FLT3: variants seen among roughly 807,000 people sequenced by gnomAD.
The protein encoded by FLT3 is receptor-type tyrosine-protein kinase FLT3.
A neutral mutation model predicts 126.6 loss-of-function variants in FLT3; 46 were observed. That is an observed-to-expected ratio of 0.36 (90% CI 0.29 to 0.46). FLT3 has a LOEUF of 0.46. FLT3 is among the 20% of genes least tolerant of loss of function. FLT3 has a pLI of 1.00. For missense variants in FLT3, 1,069 were observed against 1,190.3 expected, an observed-to-expected ratio of 0.90 and a Z score of 1.50; for synonymous variants, 404 against 434.4, an observed-to-expected ratio of 0.93 and a Z score of 0.87.
At chr13:28,077,448 G>T (rs950489877) in intron 1 of FLT3, among the ~76,000 whole-genome samples, 2 of 152,088 alleles carry the variant, frequency 1.3e-5, no homozygotes, top group African/African-American at 4.8e-5. Context: ...ATCAGATCTC[G>T]TGAGACTTAT....
chr13:28,034,411 C>T lies in FLT3; in HGVS notation c.1598-4G>A, dbSNP rs1038879376. 5.6e-6 allele frequency: 9 copies of T among 1,601,618 alleles called. No individual in the cohort carries two copies. The African/African-American group carries it at 1.2e-4, about 21-fold the overall frequency. On this transcript the variant is annotated splice_region_variant and splice_polypyrimidine_tract_variant and intron_variant, in intron 12 of 23. Transcript: ENST00000241453. ...TCTTGGATGAAAGGGAAGGGGCCTGCAACAAAAGAGTGTCACTCAGCGATG... is the reference window on the plus strand; with the variant it reads ...TCTTGGATGAAAGGGAAGGGGCCTGTAACAAAAGAGTGTCACTCAGCGATG...
chr13:28,079,325 T>C (rs762291295), intron 1 of FLT3, among the ~76,000 whole-genome samples: 9 of 152,206 alleles, frequency 5.9e-5, no homozygotes, highest in African/African-American at 1.2e-4. Context: ...TTATTGTTCG[T>C]ATCACTATCA....
At chr13:28,064,349 C>T (rs367872395) in intron 2 of FLT3, among the ~76,000 whole-genome samples, 10 of 151,672 alleles carry the variant, frequency 6.6e-5, no homozygotes, top group African/African-American at 1.5e-4. Context: ...CCAAGGTGGG[C>T]GGATCACAAG....
At chr13:28,048,050 G>A (rs1443084094) in intron 9 of FLT3, among the ~76,000 whole-genome samples, 2 of 152,072 alleles carry the variant, frequency 1.3e-5, no homozygotes, top group African/African-American at 4.8e-5. Context: ...AGACTAATAC[G>A]GTTCTTTCTG....
intron 1 of FLT3, among the ~76,000 whole-genome samples, chr13:28,088,350 C>A (rs1378130501): frequency 6.6e-6 from 1 of 151,942 alleles, no homozygotes; most frequent in African/African-American, 2.4e-5. Context: ...TGCAGTGGCA[C>A]AATCTCAGCT....
intron 6 of FLT3, 106 bp downstream of exon 6, chr13:28,049,989 A>C: frequency 7.6e-7 from 1 of 1,314,140 alleles, no homozygotes. Flanking sequence ...TGAAGGAATG[A>C]TAGGATTTCT....
chr13:28,059,958 C>CAATA (rs10523017), intron 3 of FLT3, among the ~76,000 whole-genome samples: 15 of 148,198 alleles, frequency 1.0e-4, no homozygotes, highest in African/African-American at 3.7e-4. Context: ...GACTCTGCCT[C>CAATA]AATAAATAAA....
rs115327615 is a variant in FLT3, at chr13:28,066,379, C to T, written c.165+4112G>A. Among the ~76,000 whole-genome samples the T allele has an allele frequency of 9.3e-4, 142 of 152,264 alleles. 2 individuals are homozygous for T. Among genetic ancestry groups the T allele is most frequent in the African/African-American group, 3.3e-3 (137 of 41,536 alleles). On this transcript the variant is annotated intron_variant, in intron 2 of 23. Coordinates refer to ENST00000241453, the MANE Select transcript of FLT3 (RefSeq NM_004119.3). ...CTCAGATCTTGGTTCCTAAATACTA[C>T]CCCCCAGAGAAGCCAGTGCTCTTTG... is the stretch of plus-strand genomic sequence containing the variant.
intron 3 of FLT3, 33 bp downstream of exon 3, chr13:28,061,834 C>T (rs558530167): frequency 3.2e-6 from 5 of 1,544,010 alleles, no homozygotes; most frequent in Admixed American, 1.7e-5. Context: ...AAATGAACCA[C>T]ATTTTATGTC....
At chr13:28,079,590 C>T (rs1380090391) in intron 1 of FLT3, among the ~76,000 whole-genome samples, 1 of 152,148 alleles carries the variant, frequency 6.6e-6, no homozygotes, top group Non-Finnish European at 1.5e-5. Flanking sequence ...ATTGGGCTTA[C>T]AGTTCCACAT....
chr13:28,004,472 AT>A (rs963340433), intron 23 of FLT3, among the ~76,000 whole-genome samples: 1 of 151,862 alleles, frequency 6.6e-6, no homozygotes, highest in Non-Finnish European at 1.5e-5. Context: ...CACCCTGCTA[AT>A]TTTTTTATTT....
At chr13:28,077,620 T>C (rs1878043418) in intron 1 of FLT3, among the ~76,000 whole-genome samples, 1 of 152,070 alleles carries the variant, frequency 6.6e-6, no homozygotes, top group South Asian at 2.1e-4. Flanking sequence ...AGTCAAACCA[T>C]ATCATTCTGC....
intron 1 of FLT3, among the ~76,000 whole-genome samples, chr13:28,077,818 T>C (rs1438397778): frequency 6.6e-6 from 1 of 152,152 alleles, no homozygotes; most frequent in African/African-American, 2.4e-5. Flanking sequence ...ACTTCCTAGA[T>C]ACAATGGGGG....
Position 28,028,193 on chromosome 13 carries a change from C to A in FLT3, c.2038G>T (p.Ala680Ser). 5 of 1,592,296 alleles carry A rather than the reference C, an allele frequency of 3.1e-6. No individual in the cohort carries two copies. Among genetic ancestry groups the A allele is most frequent in the South Asian group, 1.1e-5 (1 of 90,644 alleles). Reference protein sequence around the residue: ...SHENIVNLLGACTLSGPIYLI... With the variant: ...SHENIVNLLGSCTLSGPIYLI... ...AGTGGGTTACCTGACAGTGTGCACG[C>A]CCCCAGCAGGTTCACAATATTCTCG... The change falls in exon 16 of 24, where the codon GCG (alanine) becomes TCG (serine). Residue 680 changes from alanine to serine, a missense_variant. Transcript: ENST00000241453.
intron 1 of FLT3, among the ~76,000 whole-genome samples, chr13:28,080,664 C>T (rs570331016): frequency 1.3e-5 from 2 of 152,190 alleles, no homozygotes; most frequent in South Asian, 4.2e-4. Context: ...TGAAGATGTC[C>T]AATTTATCAA....
chr13:28,097,794 G>A (rs1879558843), intron 1 of FLT3, among the ~76,000 whole-genome samples: 1 of 152,130 alleles, frequency 6.6e-6, no homozygotes, highest in Admixed American at 6.5e-5. Context: ...AATAAACTAA[G>A]ATAAGCAACA....
intron 2 of FLT3, among the ~76,000 whole-genome samples, chr13:28,062,374 G>T (rs1451167921): frequency 6.6e-6 from 1 of 152,142 alleles, no homozygotes; most frequent in East Asian, 1.9e-4. Context: ...TTTATTTGGA[G>T]ATGGTCTTTA....
chr13:28,094,034 C>T (rs1247444857), intron 1 of FLT3, among the ~76,000 whole-genome samples: 1 of 152,106 alleles, frequency 6.6e-6, no homozygotes, highest in Non-Finnish European at 1.5e-5. Flanking sequence ...AAAACACGTG[C>T]CTAACAAGGA....
chr13:28,061,798 T>A (rs1277514012), intron 3 of FLT3, 69 bp downstream of exon 3: 3 of 1,296,166 alleles, frequency 2.3e-6, no homozygotes, highest in African/African-American at 1.5e-5. Context: ...ACAATAAACA[T>A]GAACAGAAAC....
Sources: allele counts gnomAD v4.1 joint callset (sites outside exome capture counted in the v4.1 genomes callset), GRCh38; gene constraint gnomAD v4.1.1; transcripts MANE v1.5; gene names NCBI Gene and HGNC (gene_info 2026-07-23, HGNC 2026-07-21).